UMAD1: variants seen among roughly 807,000 people sequenced by gnomAD.
The protein encoded by UMAD1 is UBAP1-MVB12-associated (UMA)-domain containing protein 1.
A neutral mutation model predicts 6.1 loss-of-function variants in UMAD1; 8 were observed. The ratio of observed to expected loss-of-function variants is 1.30; its 90% confidence interval spans 0.76 to 2.35. The LOEUF is 2.35. Ranked by LOEUF, UMAD1 falls within the 30% of genes most tolerant of loss-of-function variation. UMAD1 has a pLI of 0.00. For synonymous variants in UMAD1, 56 were observed against 31.4 expected, an observed-to-expected ratio of 1.78 and a Z score of -2.61; for missense variants, 130 against 78.4, an observed-to-expected ratio of 1.66 and a Z score of -2.49.
intron 3 of UMAD1, among the ~76,000 whole-genome samples, chr7:7,860,381 C>G (rs1445190318): frequency 6.6e-6 from 1 of 151,976 alleles, no homozygotes; most frequent in East Asian, 1.9e-4. Flanking sequence ...TGTCTTCCAT[C>G]TACTTAAATA....
chr7:7,876,827 A>G (rs985448699), intron 3 of UMAD1, among the ~76,000 whole-genome samples: 3 of 152,206 alleles, frequency 2.0e-5, no homozygotes, highest in South Asian at 2.1e-4. Flanking sequence ...TGGAACAGCA[A>G]TTTGCAAGGA....
intron 2 of UMAD1, among the ~76,000 whole-genome samples, chr7:7,766,380 T>C (rs1439022765): frequency 6.6e-6 from 1 of 152,250 alleles, no homozygotes; most frequent in African/African-American, 2.4e-5. Context: ...AAACTGATAT[T>C]GCCTCAGGTT....
At chr7:7,799,173 G>T (rs1240035132) in intron 2 of UMAD1, among the ~76,000 whole-genome samples, 1 of 152,012 alleles carries the variant, frequency 6.6e-6, no homozygotes, top group African/African-American at 2.4e-5. Flanking sequence ...TCTTCAAGGG[G>T]TGGAAAAAAA....
chr7:7,786,759 C>G (rs565440171), intron 2 of UMAD1, among the ~76,000 whole-genome samples: 5 of 152,272 alleles, frequency 3.3e-5, no homozygotes, highest in South Asian at 2.1e-4. Flanking sequence ...ATGCCTTGCT[C>G]TCACTGGGAT....
chr7:7,680,391 C>G (rs1398690522), intron 2 of UMAD1, among the ~76,000 whole-genome samples: 5 of 152,000 alleles, frequency 3.3e-5, no homozygotes, highest in Admixed American at 6.6e-5. Context: ...TGGTTCCATT[C>G]GTCCATGTGT....
intron 3 of UMAD1, among the ~76,000 whole-genome samples, chr7:7,825,308 G>A (rs1175892630): frequency 6.6e-6 from 1 of 152,126 alleles, no homozygotes; most frequent in Non-Finnish European, 1.5e-5. Context: ...TTCTCAGATA[G>A]CATTTTTATT....
At chr7:7,736,399 TG>T (rs1781360217) in intron 2 of UMAD1, 2 of 153,074 alleles carry the variant, frequency 1.3e-5, no homozygotes, top group African/African-American at 4.8e-5. Context: ...TTGATGAAGG[TG>T]GGTTTAAATG....
intron 2 of UMAD1, among the ~76,000 whole-genome samples, chr7:7,790,989 C>T (rs767266047): frequency 6.6e-6 from 1 of 152,324 alleles, no homozygotes; most frequent in African/African-American, 2.4e-5. Flanking sequence ...CTCCCGGGCT[C>T]AAGCACTCCT....
chr7:7,846,433 C>T (rs1436302377), intron 3 of UMAD1, among the ~76,000 whole-genome samples: 1 of 152,074 alleles, frequency 6.6e-6, no homozygotes. Context: ...TTATTACCTG[C>T]AAGAGATATT....
At chr7:7,801,597 A>G (rs969181259) in intron 2 of UMAD1, 73 bp from the exon 3 acceptor site, 1 of 670,394 alleles carries the variant, frequency 1.5e-6, no homozygotes, top group Non-Finnish European at 2.7e-6. Flanking sequence ...AAGATACTTC[A>G]AACAAATAGC....
intron 2 of UMAD1, among the ~76,000 whole-genome samples, chr7:7,733,038 AGT>A (rs1781288840): frequency 6.6e-6 from 1 of 152,228 alleles, no homozygotes; most frequent in Non-Finnish European, 1.5e-5. Flanking sequence ...CTCTGTCATA[AGT>A]AATGGAGTTA....
chr7:7,704,483 C>T (rs1003636443), intron 2 of UMAD1, among the ~76,000 whole-genome samples: 18 of 150,718 alleles, frequency 1.2e-4, no homozygotes, highest in African/African-American at 3.2e-4. Context: ...GGGCCGGGCG[C>T]GGTGGCTCAT....
intron 3 of UMAD1, among the ~76,000 whole-genome samples, chr7:7,853,681 AT>A (rs1783961327): frequency 6.6e-6 from 1 of 152,172 alleles, no homozygotes; most frequent in Admixed American, 6.5e-5. Context: ...TGCTGAACTT[AT>A]TTGTTCCAAT....
chr7:7,759,796 A>G (rs1381370221), intron 2 of UMAD1, among the ~76,000 whole-genome samples: 2 of 152,170 alleles, frequency 1.3e-5, no homozygotes, highest in African/African-American at 4.8e-5. Flanking sequence ...ATACGAGGGG[A>G]AAAAGTATAA....
At chr7:7,809,906 C>T (rs753906979) in intron 3 of UMAD1, among the ~76,000 whole-genome samples, 1 of 151,914 alleles carries the variant, frequency 6.6e-6, no homozygotes, top group Non-Finnish European at 1.5e-5. Flanking sequence ...ATGAAAATAT[C>T]CTTGAGATTT....
chr7:7,754,537 G>C (rs1046401451), intron 2 of UMAD1, among the ~76,000 whole-genome samples: 2 of 152,108 alleles, frequency 1.3e-5, no homozygotes, highest in African/African-American at 2.4e-5. Flanking sequence ...CTTTCCTTAT[G>C]TATGTTTTAC....
At chr7:7,814,518 G>A (rs922462450) in intron 3 of UMAD1, among the ~76,000 whole-genome samples, 5 of 152,076 alleles carry the variant, frequency 3.3e-5, no homozygotes, top group Admixed American at 2.0e-4. Flanking sequence ...TTTCCTGGAC[G>A]TAATTTTTAA....
At chr7:7,804,946 A>C (rs966450530) in intron 3 of UMAD1, among the ~76,000 whole-genome samples, 7 of 152,218 alleles carry the variant, frequency 4.6e-5, no homozygotes, top group South Asian at 2.1e-4. Context: ...ACACCACTGC[A>C]CTCCAGCCTG....
chr7:7,704,889 G>A lies in UMAD1; in HGVS notation c.82+31436G>A, dbSNP rs576345251. Among the ~76,000 whole-genome samples the A allele has an allele frequency of 2.0e-5, 3 of 151,698 alleles. No homozygotes were observed. In the South Asian group the frequency reaches 6.2e-4, roughly 32 times the overall value. On this transcript the variant is annotated intron_variant, in intron 2 of 3. Transcript: ENST00000682710. ...AAAAAAAACGATGTGTTTTATTTGG[G>A]TAAAGTAAAATAGGCCTAGAAGATG... is the stretch of plus-strand genomic sequence containing the variant.
Sources: gnomAD v4.1 joint callset for allele counts (sites outside exome capture counted in the v4.1 genomes callset) on GRCh38, gnomAD v4.1.1 for gene constraint, MANE v1.5 for transcripts, NCBI Gene and HGNC (gene_info 2026-07-23, HGNC 2026-07-21) for gene names.